Variants in ADAM12 observed in about 807,000 individuals in gnomAD.
ADAM12 encodes ADAM metallopeptidase domain 12, also known as disintegrin and metalloproteinase domain-containing protein 12.
ADAM12 carries 70 observed loss-of-function variants against 106.4 expected under a neutral mutation model. The ratio of observed to expected loss-of-function variants is 0.66; its 90% CI spans 0.54 to 0.80. ADAM12 has a LOEUF of 0.80. Among genes scored for constraint, ADAM12 ranks in the 30% least tolerant of loss-of-function variants. The pLI is 0.00. For missense variants in ADAM12, 1,010 were observed against 1,171.9 expected, an observed-to-expected ratio of 0.86 and a Z score of 2.02; for synonymous variants, 420 against 433.5, an observed-to-expected ratio of 0.97 and a Z score of 0.39.
chr10:126,024,612 G>T (rs954394896), intron 21 of ADAM12, among the ~76,000 whole-genome samples: 3 of 152,056 alleles, frequency 2.0e-5, no homozygotes, highest in Admixed American at 6.6e-5. Context: ...ATTTGTAGAG[G>T]GGACATTAAA....
At chr10:126,090,113 C>A (rs1955433917) in intron 11 of ADAM12, among the ~76,000 whole-genome samples, 1 of 151,988 alleles carries the variant, frequency 6.6e-6, no homozygotes, top group Non-Finnish European at 1.5e-5. Context: ...TTAAATTTTC[C>A]ATTTTTCAAC....
rs1288957998 is a variant in ADAM12 at position 126,086,686 on chromosome 10, T to A, written c.1145+7299A>T. ...AAAAAAAAAAAAAAAAAAAAATATA[T>A]ATATATATATATATATATATAAAAT... On this transcript the variant is annotated intron_variant, in intron 11 of 22. Transcript: ENST00000448723. Among the ~76,000 whole-genome samples the A allele has an allele frequency of 6.3e-3, 253 of 40,078 alleles. 1 individual carries two copies. Among genetic ancestry groups the A allele is most frequent in the African/African-American group, 0.018 (89 of 5,034 alleles). The allele number at this position is 40,078 out of a possible 152,430, so 26.3% of individuals were successfully genotyped here. A position where few individuals can be genotyped will look rare whatever the true frequency, so the allele number is the denominator to read the frequency against.
intron 2 of ADAM12, among the ~76,000 whole-genome samples, chr10:126,289,769 G>C (rs1960061576): frequency 1.3e-5 from 2 of 152,228 alleles, no homozygotes; most frequent in African/African-American, 4.8e-5. Context: ...CAGGCTAGAA[G>C]GCTACGGTCA....
intron 3 of ADAM12, among the ~76,000 whole-genome samples, chr10:126,226,333 G>T (rs1435905842): frequency 1.3e-5 from 2 of 152,230 alleles, no homozygotes; most frequent in Non-Finnish European, 2.9e-5. Context: ...GGAGAAGCCG[G>T]GTGGGCATGG....
chr10:126,295,704 C>A (rs140220053), intron 2 of ADAM12, among the ~76,000 whole-genome samples: 390 of 152,198 alleles, frequency 2.6e-3, no homozygotes, highest in Non-Finnish European at 4.0e-3. Flanking sequence ...CTATCCTTTA[C>A]CATGAAAACC....
rs74413936 is a variant in ADAM12, at chr10:126,129,540, T to C, written c.416+6044A>G. Among the ~76,000 whole-genome samples the C allele has an allele frequency of 2.0e-3, 299 of 152,316 alleles. 6 individuals are homozygous for C. In the East Asian group the frequency reaches 0.033, roughly 17 times the overall value. On this transcript the variant is annotated intron_variant, in intron 5 of 22. Coordinates refer to ENST00000448723, the MANE Select transcript of ADAM12 (RefSeq NM_001288973.2). ...TTGCAGATTATCTGAAGCTCATGGC[T>C]GTGCCTCCAGGCTCCCTGGCTGGCA...
At chr10:126,151,078 T>C (rs1956721143) in intron 4 of ADAM12, among the ~76,000 whole-genome samples, 1 of 152,230 alleles carries the variant, frequency 6.6e-6, no homozygotes, top group Admixed American at 6.5e-5. Flanking sequence ...ATTTATATGC[T>C]GAGGAATATA....
chr10:126,343,028 G>A (rs962078578), intron 1 of ADAM12, among the ~76,000 whole-genome samples: 2 of 152,062 alleles, frequency 1.3e-5, no homozygotes, highest in Non-Finnish European at 2.9e-5. Context: ...CAACTCAATA[G>A]CCAATCATTA....
At chr10:126,239,057 C>T (rs1462709301) in intron 3 of ADAM12, among the ~76,000 whole-genome samples, 10 of 152,134 alleles carry the variant, frequency 6.6e-5, no homozygotes, top group Admixed American at 5.9e-4. Flanking sequence ...ATCTTGGGAG[C>T]TGAAATAAAC....
intron 11 of ADAM12, among the ~76,000 whole-genome samples, chr10:126,089,963 T>C (rs1403313512): frequency 6.6e-6 from 1 of 152,210 alleles, no homozygotes; most frequent in Non-Finnish European, 1.5e-5. Flanking sequence ...TATTTTTTTA[T>C]TTTAAAAATA....
chr10:126,381,107 C>T (rs1240016479), intron 1 of ADAM12, among the ~76,000 whole-genome samples: 1 of 152,070 alleles, frequency 6.6e-6, no homozygotes, highest in Non-Finnish European at 1.5e-5. Flanking sequence ...TATATGTTGA[C>T]TTTGAGTTTT....
intron 3 of ADAM12, among the ~76,000 whole-genome samples, chr10:126,219,214 T>C (rs546026237): frequency 9.9e-5 from 15 of 152,246 alleles, no homozygotes; most frequent in Non-Finnish European, 2.1e-4. Context: ...AAGGATTTAT[T>C]ACCCCAGATG....
intron 3 of ADAM12, among the ~76,000 whole-genome samples, chr10:126,243,234 G>C (rs1370402911): frequency 6.6e-6 from 1 of 152,216 alleles, no homozygotes; most frequent in African/African-American, 2.4e-5. Flanking sequence ...AGTTGCTGAT[G>C]CCAACAGCCA....
At chr10:126,347,467 T>G (rs1855189705) in intron 1 of ADAM12, among the ~76,000 whole-genome samples, 1 of 152,218 alleles carries the variant, frequency 6.6e-6, no homozygotes. Flanking sequence ...CTTTCCTTCA[T>G]TTCAACTTTG....
intron 2 of ADAM12, among the ~76,000 whole-genome samples, chr10:126,292,987 T>C (rs2133783588): frequency 6.6e-6 from 1 of 152,332 alleles, no homozygotes; most frequent in South Asian, 2.1e-4. Flanking sequence ...GCCCAAGCAT[T>C]TGCATTTCTA....
intron 22 of ADAM12, among the ~76,000 whole-genome samples, chr10:126,018,614 ATAATT>A (rs1320986423): frequency 1.3e-5 from 2 of 152,238 alleles, no homozygotes; most frequent in African/African-American, 4.8e-5. Flanking sequence ...ATAAATTTGT[ATAATT>A]TAATCCTTAA....
chr10:126,164,262 G>T (rs935339997), intron 3 of ADAM12, among the ~76,000 whole-genome samples: 17 of 152,236 alleles, frequency 1.1e-4, no homozygotes, highest in Non-Finnish European at 7.3e-5. Context: ...CCATGCCAAA[G>T]TGTCACAAGA....
intron 3 of ADAM12, among the ~76,000 whole-genome samples, chr10:126,229,253 C>G (rs1308959514): frequency 1.3e-5 from 2 of 152,128 alleles, no homozygotes; most frequent in Admixed American, 1.3e-4. Context: ...GAAATATTAT[C>G]AATTGGCCTG....
intron 8 of ADAM12, among the ~76,000 whole-genome samples, chr10:126,107,424 G>A (rs1955794224): frequency 6.6e-6 from 1 of 152,204 alleles, no homozygotes; most frequent in South Asian, 2.1e-4. Flanking sequence ...AATTATTGAT[G>A]CAGAGTGCAT....
Sources: gnomAD v4.1 joint callset for allele counts (sites outside exome capture counted in the v4.1 genomes callset) on GRCh38, gnomAD v4.1.1 for gene constraint, MANE v1.5 for transcripts, NCBI Gene and HGNC (gene_info 2026-07-23, HGNC 2026-07-21) for gene names.